LAMA1: variants seen among roughly 807,000 people sequenced by gnomAD.
LAMA1 encodes the protein laminin subunit alpha-1.
Under a neutral mutation model 348.7 loss-of-function variants are expected in LAMA1, and 219 were observed. The observed-to-expected ratio is 0.63, with a 90% confidence interval of 0.56 to 0.70. LAMA1 has a LOEUF of 0.70. LAMA1 is among the 30% of genes least tolerant of loss of function. The pLI, the probability that LAMA1 is intolerant of heterozygous loss-of-function variation, is 0.00. For synonymous variants in LAMA1, 1,487 were observed against 1,491.0 expected (o/e 1.00, Z 0.06); for missense variants, 3,744 against 3,888.0 (o/e 0.96, Z 0.99).
rs1160782504 is a variant in LAMA1, at chr18:7,098,573, C to T, written c.62-18116G>A. On this transcript the variant is annotated intron_variant, in intron 1 of 62. Transcript: ENST00000389658. ...CTGGGAGGTGAGGAGCATCTCTGCC[C>T]GGCCGCCCCGTCTGAGAAGTGAGGA... Among the ~76,000 whole-genome samples the T allele has an allele frequency of 4.0e-3, 602 of 151,102 alleles. 1 individual carries two copies. The highest frequency in any genetic ancestry group is 0.014 in the African/African-American group (576 of 41,176).
rs116635049 is a variant in LAMA1, at chr18:7,013,633, A to T, written c.3363+182T>A. On this transcript the variant is annotated intron_variant, in intron 23 of 62. Coordinates refer to ENST00000389658, the MANE Select transcript of LAMA1 (RefSeq NM_005559.4). ...CTGACACTAGTAACAGTAAAAATTC[A>T]ATTTCAAAAATCATCCGTCACTCTA... Among the ~76,000 whole-genome samples the T allele has an allele frequency of 8.6e-3, 1,314 of 152,282 alleles. 17 individuals carry two copies. Among genetic ancestry groups the T allele is most frequent in the African/African-American group, 0.031 (1,269 of 41,550 alleles).
At chr18:6,981,770 G>A (rs970836680) in intron 41 of LAMA1, among the ~76,000 whole-genome samples, 2 of 152,290 alleles carry the variant, frequency 1.3e-5, no homozygotes, top group South Asian at 2.1e-4. Flanking sequence ...CACCTGTAAA[G>A]GGTATGAGCT....
At chr18:7,008,696 A>T (rs1364393543) in intron 27 of LAMA1, 88 bp from the exon 28 acceptor site, 1 of 1,477,624 alleles carries the variant, frequency 6.8e-7, no homozygotes, top group African/African-American at 1.4e-5. Context: ...TTGCATATAT[A>T]TGAAACCAGA....
At chr18:7,117,239 T>C (rs1212875402) in intron 1 of LAMA1, among the ~76,000 whole-genome samples, 6 of 151,468 alleles carry the variant, frequency 4.0e-5, no homozygotes, top group Admixed American at 2.0e-4. Context: ...TCTCCATTCA[T>C]CCCCCGCGCC....
In LAMA1 at chr18:6,942,088, G is replaced by A. The variant is rs1432545730; in HGVS notation, c.9219C>T (p.Thr3073=). 5.5e-5 allele frequency: 88 copies of A among 1,613,952 alleles called. No individual in the cohort carries two copies. Among genetic ancestry groups the A allele is most frequent in the Non-Finnish European group, 6.9e-5 (81 of 1,180,014 alleles). Residue 3073 remains threonine (T), a synonymous_variant, in exon 63 of 63, where the codon ACC becomes ACT. Transcript: ENST00000389658. ...HGVFLHSCPG[T]ES ...GGATTCTGCTTGAAGTTCAGGACTC[G>A]GTCCCAGGACAGGAATGAAGGAAAA...
Position 7,087,796 on chromosome 18 carries a change from C to T in LAMA1, c.62-7339G>A, listed in dbSNP as rs530623376. ...TGGCTGCCATCAGTGTGGCCTTGGCCGAGGGCTTTACCTCCCAGTCTCTCT... is the reference window on the plus strand; with the variant it reads ...TGGCTGCCATCAGTGTGGCCTTGGCTGAGGGCTTTACCTCCCAGTCTCTCT... On this transcript the variant is annotated intron_variant, in intron 1 of 62. Transcript: ENST00000389658. 3.9e-5 allele frequency among the ~76,000 whole-genome samples: 6 copies of T among 152,228 alleles called. No individual in the cohort carries two copies. In the East Asian group the frequency reaches 9.7e-4, roughly 25 times the overall value.
At chr18:7,001,889 T>A (rs2057809259) in intron 30 of LAMA1, among the ~76,000 whole-genome samples, 1 of 152,218 alleles carries the variant, frequency 6.6e-6, no homozygotes, top group Non-Finnish European at 1.5e-5. Flanking sequence ...CATTCCCTTA[T>A]ATAAACTCTA....
At chr18:7,025,864 G>A in intron 17 of LAMA1, 115 bp downstream of exon 17, 4 of 1,422,938 alleles carry the variant, frequency 2.8e-6, no homozygotes, top group African/African-American at 1.4e-5. Context: ...AATTGTCACT[G>A]GGCAAAATTC....
At chr18:6,955,772 G>A in intron 56 of LAMA1, 1 of 457,786 alleles carries the variant, frequency 2.2e-6, no homozygotes, top group Non-Finnish European at 4.1e-6. Flanking sequence ...AGGCCTTGCT[G>A]TCCCCCTAGG....
chr18:6,978,025 G>T, intron 43 of LAMA1, 144 bp from the exon 44 acceptor site: 1 of 1,251,684 alleles, frequency 8.0e-7, no homozygotes, highest in Non-Finnish European at 1.1e-6. Context: ...GATGAAAACT[G>T]CACAAGTAGC....
intron 1 of LAMA1, among the ~76,000 whole-genome samples, chr18:7,095,305 A>G (rs879375547): frequency 6.6e-6 from 1 of 152,208 alleles, no homozygotes; most frequent in Non-Finnish European, 1.5e-5. Flanking sequence ...GCTGGACCAC[A>G]TTAATAGATT....
At chr18:6,975,527 G>A (rs914623350) in intron 45 of LAMA1, among the ~76,000 whole-genome samples, 5 of 152,196 alleles carry the variant, frequency 3.3e-5, no homozygotes, top group African/African-American at 1.2e-4. Flanking sequence ...ACACACCCCA[G>A]GCTTCTGACC....
intron 3 of LAMA1, among the ~76,000 whole-genome samples, chr18:7,066,075 A>G (rs1283012568): frequency 2.0e-5 from 3 of 152,146 alleles, no homozygotes; most frequent in Non-Finnish European, 2.9e-5. Context: ...GAATTCCACA[A>G]TCACCCATAT....
intron 1 of LAMA1, among the ~76,000 whole-genome samples, chr18:7,105,845 G>A (rs2058309772): frequency 1.3e-5 from 2 of 152,198 alleles, no homozygotes; most frequent in African/African-American, 4.8e-5. Flanking sequence ...ATTTTTCAAA[G>A]AAGGGTCTTG....
intron 36 of LAMA1, among the ~76,000 whole-genome samples, chr18:6,991,430 G>C (rs1322287845): frequency 7.9e-6 from 1 of 125,944 alleles, no homozygotes; most frequent in African/African-American, 3.1e-5. Flanking sequence ...TTGCTCTGTC[G>C]CCCAGGCTGG....
chr18:7,018,252 C>T (rs902789876), intron 19 of LAMA1, among the ~76,000 whole-genome samples: 9 of 130,212 alleles, frequency 6.9e-5, no homozygotes, highest in South Asian at 2.7e-4. Context: ...AGGAGAATCT[C>T]GTGAACCTGG....
chr18:6,968,534 C>T (rs575482739), intron 48 of LAMA1, among the ~76,000 whole-genome samples: 5 of 152,282 alleles, frequency 3.3e-5, no homozygotes, highest in South Asian at 2.1e-4. Context: ...GCAGAGGGCC[C>T]GGAACGCAGG....
chr18:6,946,173 G>GT (rs2057520536), intron 61 of LAMA1, among the ~76,000 whole-genome samples: 1 of 152,056 alleles, frequency 6.6e-6, no homozygotes, highest in African/African-American at 2.4e-5. Flanking sequence ...ATCCCACAGA[G>GT]TAATACGCCA....
At chr18:7,001,313 GT>G (rs1315456191) in intron 30 of LAMA1, among the ~76,000 whole-genome samples, 1 of 123,344 alleles carries the variant, frequency 8.1e-6, no homozygotes, top group African/African-American at 3.5e-5. Context: ...AGATATTTCC[GT>G]TTTCCCCCTA....
Sources: allele counts gnomAD v4.1 joint callset (sites outside exome capture counted in the v4.1 genomes callset), GRCh38; gene constraint gnomAD v4.1.1; transcripts MANE v1.5; gene names NCBI Gene and HGNC (gene_info 2026-07-23, HGNC 2026-07-21).